Variants in FCAMR observed in about 807,000 individuals in gnomAD.
The protein encoded by FCAMR is high affinity immunoglobulin alpha and immunoglobulin mu Fc receptor.
In FCAMR, 51 loss-of-function variants were observed where a neutral mutation model predicts 52.2. That is an observed-to-expected ratio of 0.98 (90% confidence interval 0.78 to 1.23). The LOEUF is 1.23. Ranked by LOEUF, FCAMR falls within the 50% of genes most tolerant of loss-of-function variation. FCAMR has a pLI of 0.00. For missense variants in FCAMR, 719 were observed against 712.6 expected, an observed-to-expected ratio of 1.01 and a Z score of -0.10; for synonymous variants, 282 against 262.0, an observed-to-expected ratio of 1.08 and a Z score of -0.74.
chr1:206,959,085 T>C, intron 7 of FCAMR: 1 of 389,178 alleles, frequency 2.6e-6, no homozygotes, highest in Non-Finnish European at 5.2e-6. Flanking sequence ...AGGCTTATGG[T>C]TAACATAGGC....
intron 7 of FCAMR, 51 bp downstream of exon 7, chr1:206,959,628 T>A (rs937281341): frequency 4.1e-6 from 6 of 1,455,236 alleles, no homozygotes; most frequent in Non-Finnish European, 5.8e-6. Context: ...CCTGAGGGTG[T>A]CAGGTGGGAA....
At chr1:206,962,930 AT>A (rs901438376) in intron 4 of FCAMR, among the ~76,000 whole-genome samples, 13 of 152,208 alleles carry the variant, frequency 8.5e-5, no homozygotes, top group Admixed American at 7.9e-4. Context: ...CTCACTGTAG[AT>A]TTAGACAACA....
chr1:206,967,096 G>T lies in FCAMR; in HGVS notation c.125C>A (p.Ala42Glu). 6.2e-7 allele frequency: 1 copy of T among 1,613,868 alleles called. No individual in the cohort carries two copies. Among genetic ancestry groups the T allele is most frequent in the African/African-American group, 1.3e-5 (1 of 74,996 alleles). The part of the protein sequence containing the change: ...LPQSHVTSRR[A>E]GWKMPLFLIL... ...GAGGAAGAGGGGCATTTTCCATCCC[G>T]CCCTCCTGCTGGTGACCTGCAAAAA... The change falls in exon 3 of 8, where the codon GCG becomes GAG. Residue 42 changes from alanine (A) to glutamate (E), a missense_variant. Coordinates refer to ENST00000324852, the MANE Select transcript of FCAMR (RefSeq NM_001170631.2).
chr1:206,969,381 A>C (rs1302888856), intron 1 of FCAMR: 1 of 440,896 alleles, frequency 2.3e-6, no homozygotes, highest in South Asian at 1.6e-5. Flanking sequence ...TACTCAACGG[A>C]ATGTCTCCAA....
intron 7 of FCAMR, among the ~76,000 whole-genome samples, chr1:206,959,474 C>T (rs61329247): frequency 1.8e-5 from 2 of 113,796 alleles, no homozygotes; most frequent in African/African-American, 7.0e-5. Context: ...AAGAGTCTGT[C>T]TAAAAAAAAA....
In FCAMR at chr1:206,960,518, T is replaced by A. The variant is rs182069937; in HGVS notation, c.1358A>T (p.Asp453Val). ...GGGACCTCTGTCTCCAGTGGCAGCA[T>A]CTAGGTCCCCTGCAGCGCTTCCTTC... The part of the protein sequence containing the change: ...SGEGSAAGDL[D>V]AATGDRGPQA... Residue 453 changes from aspartate (D) to valine (V), a missense_variant, in exon 6 of 8, where the codon GAT (aspartate) becomes GTT (valine). Asp to Val is a radical substitution (Grantham distance 152, BLOSUM62 -3). Transcript: ENST00000324852. 1 of 1,551,622 alleles carries A rather than the reference T, an allele frequency of 6.4e-7. No individual in the cohort carries two copies. The highest frequency in any genetic ancestry group is 8.7e-7 in the Non-Finnish European group (1 of 1,146,952).
Position 206,958,388 on chromosome 1 carries a change from G to T in FCAMR, c.*128C>A. On this transcript the variant is annotated 3_prime_UTR_variant, in exon 8 of 8. Transcript: ENST00000324852. ...GACAGCCAGCCTTTCTTCCATGGGT[G>T]GAGCACCGGCTGCATCAGCTTCTCT... is the stretch of plus-strand genomic sequence containing the variant. 9.3e-7 allele frequency: 1 copy of T among 1,078,728 alleles called. No homozygotes were observed. Among genetic ancestry groups the T allele is most frequent in the Non-Finnish European group, 1.3e-6 (1 of 767,954 alleles). 66.8% of individuals were successfully genotyped at this position (1,078,728 alleles called of 1,614,324 possible).
chr1:206,960,539 C>T lies in FCAMR; in HGVS notation c.1337G>A (p.Gly446Glu). 1.3e-6 allele frequency: 2 copies of T among 1,551,766 alleles called. No individual in the cohort carries two copies. Among genetic ancestry groups the T allele is most frequent in the Non-Finnish European group, 1.7e-6 (2 of 1,147,016 alleles). ...AGCATCTAGGTCCCCTGCAGCGCTTCCTTCCCCAGATGCTGCCTCCATGCT... is the reference window on the plus strand; with the variant it reads ...AGCATCTAGGTCCCCTGCAGCGCTTTCTTCCCCAGATGCTGCCTCCATGCT... ...WTSMEAASGE[G>E]SAAGDLDAAT... The change falls in exon 6 of 8, where the codon GGA (glycine) becomes GAA (glutamate). Residue 446 changes from glycine to glutamate, a missense_variant. By Grantham distance (98) the Gly-to-Glu change is moderately conservative. Transcript: ENST00000324852.
intron 1 of FCAMR, among the ~76,000 whole-genome samples, chr1:206,968,783 G>A (rs375096479): frequency 1.3e-4 from 20 of 152,286 alleles, no homozygotes; most frequent in South Asian, 2.1e-4. Flanking sequence ...GAAGACAGAA[G>A]CAGAGAAAAG....
chr1:206,966,827 C>T (rs1300379153), intron 3 of FCAMR, among the ~76,000 whole-genome samples: 1 of 152,190 alleles, frequency 6.6e-6, no homozygotes, highest in Non-Finnish European at 1.5e-5. Flanking sequence ...GGACTAGATT[C>T]TAGGTACTGG....
chr1:206,967,712 C>T, intron 1 of FCAMR, 61 bp from the exon 2 acceptor site: 2 of 1,489,744 alleles, frequency 1.3e-6, no homozygotes, highest in East Asian at 4.5e-5. Flanking sequence ...TGTTAGTATG[C>T]CTCGGTTAGT....
intron 1 of FCAMR, among the ~76,000 whole-genome samples, chr1:206,968,977 C>T (rs1680823116): frequency 1.3e-5 from 2 of 152,154 alleles, no homozygotes; most frequent in African/African-American, 4.8e-5. Flanking sequence ...TCTGTGCCTT[C>T]GCTGTAGCAA....
intron 7 of FCAMR, 88 bp from the exon 8 acceptor site, chr1:206,958,764 G>C: frequency 6.4e-7 from 1 of 1,559,426 alleles, no homozygotes; most frequent in South Asian, 1.1e-5. Flanking sequence ...ACCACTGCAA[G>C]TTTTCAAGAA....
rs970582935 is a variant in FCAMR, at chr1:206,967,243, T to A, written c.109-131A>T. The A allele has an allele frequency of 7.1e-6, 6 of 846,010 alleles. No individual in the cohort carries two copies. The African/African-American group carries it at 8.4e-5, about 12-fold the overall frequency. 52.4% of individuals were successfully genotyped at this position (846,010 alleles called of 1,614,324 possible). A position where few individuals can be genotyped will look rare whatever the true frequency, so the allele number is the denominator to read the frequency against. On this transcript the variant is annotated intron_variant, in intron 2 of 7. Coordinates refer to ENST00000324852, the MANE Select transcript of FCAMR (RefSeq NM_001170631.2). ...GTGCAGGGGCTGGGTTGCAGATATC[T>A]GAGAGTAAGACAAGCACTTCCCTCC...
chr1:206,969,293 G>A (rs1166724058), intron 1 of FCAMR: 1 of 456,336 alleles, frequency 2.2e-6, no homozygotes, highest in Non-Finnish European at 4.4e-6. Context: ...CCGGCTCCGT[G>A]GGGCAATGAG....
chr1:206,966,136 G>A (rs1358613492), intron 3 of FCAMR, among the ~76,000 whole-genome samples: 1 of 152,182 alleles, frequency 6.6e-6, no homozygotes, highest in African/African-American at 2.4e-5. Context: ...AGGCCTTGAG[G>A]GGATGAGGGA....
chr1:206,969,830 T>C (rs1233597693), intron 1 of FCAMR, among the ~76,000 whole-genome samples: 1 of 152,202 alleles, frequency 6.6e-6, no homozygotes, highest in Non-Finnish European at 1.5e-5. Flanking sequence ...GTGTTTCTTC[T>C]CTTTCTAACG....
In FCAMR at chr1:206,960,657, C is replaced by G; in HGVS notation, c.1219G>C (p.Gly407Arg). The G allele has an allele frequency of 6.4e-7, 1 of 1,552,004 alleles. No individual in the cohort carries two copies. The highest frequency in any genetic ancestry group is 8.7e-7 in the Non-Finnish European group (1 of 1,147,044). The change falls in exon 6 of 8, where the codon GGA becomes CGA. Residue 407 changes from glycine to arginine, a missense_variant. Coordinates refer to ENST00000324852, the MANE Select transcript of FCAMR (RefSeq NM_001170631.2). ...VSKQQSQGSI[G>R]ETTPAAGMWT... ...ATGCCTGCAGCTGGAGTTGTTTCTC[C>G]AATGGAACCCTGAGATTGTTGCTTA...
rs1469932561 is a variant in FCAMR at position 206,960,677 on chromosome 1, T to A, written c.1199A>T (p.Gln400Leu). 1 of 1,552,114 alleles carries A rather than the reference T, an allele frequency of 6.4e-7. No individual in the cohort carries two copies. Among genetic ancestry groups the A allele is most frequent in the South Asian group, 1.2e-5 (1 of 84,064 alleles). ...ILPQATPVSK[Q>L]QSQGSIGETT... ...TTCTCCAATGGAACCCTGAGATTGT[T>A]GCTTAGAAACTGGCGTTGCTTGTGG... The change falls in exon 6 of 8, where the codon CAA becomes CTA. Residue 400 changes from glutamine to leucine, a missense_variant. Physicochemically the swap from Gln to Leu is moderately radical, Grantham distance 113. Transcript: ENST00000324852.
Sources: gnomAD v4.1 joint callset for allele counts (sites outside exome capture counted in the v4.1 genomes callset) on GRCh38, gnomAD v4.1.1 for gene constraint, MANE v1.5 for transcripts, NCBI Gene and HGNC (gene_info 2026-07-23, HGNC 2026-07-21) for gene names.